Variants in NEB observed in about 807,000 individuals in gnomAD.
The protein encoded by NEB is nemaline myopathy type 2.
Under a neutral mutation model 952.2 loss-of-function variants are expected in NEB, and 512 were observed. The ratio of observed to expected loss-of-function variants is 0.54; its 90% CI spans 0.50 to 0.58. The LOEUF is 0.58. Ranked by LOEUF, NEB falls within the 20% of genes least tolerant of loss-of-function variation. The probability of loss-of-function intolerance (pLI) is 0.00; values close to 1 mark genes in which losing one functional copy is unlikely to be tolerated. For missense variants in NEB, 8,428 were observed against 9,231.1 expected, an observed-to-expected ratio of 0.91 and a Z score of 3.56; for synonymous variants, 2,900 against 3,149.8, an observed-to-expected ratio of 0.92 and a Z score of 2.66.
intron 28 of NEB, among the ~76,000 whole-genome samples, chr2:151,684,558 G>T (rs1308712526): frequency 2.0e-5 from 3 of 152,150 alleles, no homozygotes; most frequent in African/African-American, 7.2e-5. Flanking sequence ...ACTTAGCAAG[G>T]TTGACATATT....
At chr2:151,517,124 T>A (rs1240466389) in intron 156 of NEB, among the ~76,000 whole-genome samples, 1 of 152,152 alleles carries the variant, frequency 6.6e-6, no homozygotes, top group Admixed American at 6.5e-5. Flanking sequence ...GAAAACTAGT[T>A]TACATATTGA....
chr2:151,715,220 G>C (rs1228107867), intron 10 of NEB, among the ~76,000 whole-genome samples: 1 of 152,222 alleles, frequency 6.6e-6, no homozygotes, highest in Non-Finnish European at 1.5e-5. Context: ...TTTAAATGTA[G>C]AAGGAAACAT....
chr2:151,508,332 G>A (rs900230420), intron 161 of NEB, among the ~76,000 whole-genome samples: 1 of 152,208 alleles, frequency 6.6e-6, no homozygotes, highest in Non-Finnish European at 1.5e-5. Flanking sequence ...CAGACATTCA[G>A]TAGGACCTAT....
chr2:151,706,215 T>C (rs2099705653), intron 13 of NEB, among the ~76,000 whole-genome samples: 1 of 152,194 alleles, frequency 6.6e-6, no homozygotes, highest in African/African-American at 2.4e-5. Flanking sequence ...GCTGCTGACT[T>C]AGTTCAAGGG....
intron 181 of NEB, 108 bp from the exon 182 acceptor site, chr2:151,486,041 A>C: frequency 8.7e-7 from 1 of 1,150,490 alleles, no homozygotes; most frequent in Non-Finnish European, 1.2e-6. Context: ...CTTAAGTTGA[A>C]CAAAAGAGAA....
At chr2:151,673,390 G>A (rs1559100688) in intron 36 of NEB, among the ~76,000 whole-genome samples, 1 of 150,648 alleles carries the variant, frequency 6.6e-6, no homozygotes, top group African/African-American at 2.4e-5. Flanking sequence ...CAGGCAAAAG[G>A]ATCGTCAAGT....
intron 46 of NEB, among the ~76,000 whole-genome samples, chr2:151,661,068 C>T (rs893836289): frequency 7.9e-5 from 12 of 152,032 alleles, no homozygotes; most frequent in East Asian, 5.8e-4. Flanking sequence ...GCTGTTGACC[C>T]GCTGTGTGGG....
intron 38 of NEB, 64 bp downstream of exon 38, chr2:151,670,959 G>A (rs184716855): frequency 3.4e-5 from 50 of 1,485,872 alleles, no homozygotes; most frequent in East Asian, 1.4e-4. Flanking sequence ...TAAGAAGGAC[G>A]GAGGAGCGGC....
At position 151,627,154 on chromosome 2, in the gene NEB, T is replaced by C. The variant is rs759132105; in HGVS notation, c.10195A>G (p.Ile3399Val). ...QWLRGIGWVPIGSMDVVKCKR... is the reference protein window; with the variant it reads ...QWLRGIGWVPVGSMDVVKCKR... ...CACTTGACCACATCCATAGACCCAA[T>C]GGGGACCCAGCCAATGCCTCTCAGC... The change falls in exon 70 of 182, where the codon ATT (isoleucine) becomes GTT (valine). Residue 3399 changes from isoleucine (I) to valine (V), a missense_variant. This residue lies in a region of NEB where 1,772 missense variants were observed against 1,960.3 expected (regional missense o/e 0.90). Transcript: ENST00000397345. The C allele has an allele frequency of 6.2e-7, 1 of 1,613,776 alleles. No individual in the cohort carries two copies. Among genetic ancestry groups the C allele is most frequent in the Non-Finnish European group, 8.5e-7 (1 of 1,179,846 alleles).
chr2:151,674,382 A>T, intron 36 of NEB, 95 bp downstream of exon 36: 2 of 955,618 alleles, frequency 2.1e-6, no homozygotes, highest in Non-Finnish European at 3.3e-6. Context: ...CCATTAATTT[A>T]ACATATTTCT....
intron 135 of NEB, among the ~76,000 whole-genome samples, chr2:151,542,911 A>G (rs1319591090): frequency 1.3e-5 from 2 of 152,226 alleles, no homozygotes; most frequent in African/African-American, 4.8e-5. Context: ...AGCTTCATTT[A>G]CCAGCATCCT....
At chr2:151,621,156 A>AAGAGTT in intron 71 of NEB, 130 bp from the exon 72 acceptor site, 1 of 627,066 alleles carries the variant, frequency 1.6e-6, no homozygotes, top group Non-Finnish European at 2.8e-6. Context: ...CAGAAAAAGA[A>AAGAGTT]CTCTTTCTTT....
chr2:151,505,917 A>G, intron 164 of NEB: 1 of 563,038 alleles, frequency 1.8e-6, no homozygotes. Flanking sequence ...TGGTTCTTTG[A>G]CTGTACCGGA....
At chr2:151,491,925 A>G in intron 178 of NEB, 150 bp from the exon 179 acceptor site, 1 of 962,532 alleles carries the variant, frequency 1.0e-6, no homozygotes, top group Non-Finnish European at 1.6e-6. Flanking sequence ...AGAGGAGAAC[A>G]AAGATAAGGT....
intron 161 of NEB, among the ~76,000 whole-genome samples, chr2:151,508,904 T>C (rs1393227237): frequency 2.0e-5 from 3 of 152,242 alleles, no homozygotes; most frequent in Non-Finnish European, 4.4e-5. Flanking sequence ...GTTTTTATTC[T>C]CTGCAGCAGA....
chr2:151,542,537 G>C (rs1190572434), intron 135 of NEB, among the ~76,000 whole-genome samples: 2 of 152,016 alleles, frequency 1.3e-5, no homozygotes, highest in African/African-American at 4.8e-5. Flanking sequence ...TGATATCCCA[G>C]TTACTCGGGC....
At chr2:151,708,006 C>T (rs1160653413) in intron 12 of NEB, among the ~76,000 whole-genome samples, 1 of 152,170 alleles carries the variant, frequency 6.6e-6, no homozygotes, top group African/African-American at 2.4e-5. Context: ...CTCCCCCTAC[C>T]CGCATCTGGG....
At chr2:151,567,113 C>G (rs2096440127) in intron 114 of NEB, 55 bp downstream of exon 114, 3 of 1,421,388 alleles carry the variant, frequency 2.1e-6, no homozygotes, top group Non-Finnish European at 2.9e-6. Context: ...TGTTGCTCAT[C>G]ATTCTCAGAG....
chr2:151,657,730 G>C (rs980182851), intron 48 of NEB, among the ~76,000 whole-genome samples: 1 of 152,166 alleles, frequency 6.6e-6, no homozygotes, highest in Non-Finnish European at 1.5e-5. Context: ...CATAGCCTTG[G>C]TGACAGATTC....
Sources: gnomAD v4.1 joint callset for allele counts (sites outside exome capture counted in the v4.1 genomes callset) on GRCh38, gnomAD v4.1.1 for gene constraint, gnomAD v4.1.1 regional missense constraint, MANE v1.5 for transcripts, NCBI Gene and HGNC (gene_info 2026-07-23, HGNC 2026-07-21) for gene names.